GAN: variants seen among roughly 807,000 people sequenced by gnomAD.
The protein encoded by GAN is gigaxonin, also known as epididymis secretory sperm binding protein.
Under a neutral mutation model 71.3 loss-of-function variants are expected in GAN, and 48 were observed. The ratio of observed to expected loss-of-function variants is 0.67; its 90% CI spans 0.53 to 0.86. The LOEUF (loss-of-function observed/expected upper bound fraction) is 0.86, where lower values mean the gene tolerates loss of function less well. Ranked by LOEUF, GAN falls within the 40% of genes least tolerant of loss-of-function variation. The pLI, the probability that GAN is intolerant of heterozygous loss-of-function variation, is 0.00. For missense variants in GAN, 928 were observed against 770.1 expected (o/e 1.21, Z -2.43); for synonymous variants, 386 against 276.8 (o/e 1.39, Z -3.92).
intron 1 of GAN, among the ~76,000 whole-genome samples, chr16:81,331,877 G>A (rs980114449): frequency 2.6e-5 from 4 of 152,210 alleles, no homozygotes; most frequent in Admixed American, 2.0e-4. Context: ...GAAAGCTCTT[G>A]GAAGGCCGGG....
At chr16:81,331,835 G>C (rs1909588101) in intron 1 of GAN, among the ~76,000 whole-genome samples, 1 of 152,206 alleles carries the variant, frequency 6.6e-6, no homozygotes, top group Non-Finnish European at 1.5e-5. Flanking sequence ...TATGTCAGAA[G>C]AACAAAGAGA....
chr16:81,332,656 C>G (rs773555013), intron 1 of GAN, among the ~76,000 whole-genome samples: 47 of 152,240 alleles, frequency 3.1e-4, no homozygotes, highest in Non-Finnish European at 1.9e-4. Context: ...ACAGTGCTTG[C>G]AACTGCCATG....
intron 3 of GAN, among the ~76,000 whole-genome samples, chr16:81,355,637 A>G (rs1910461762): frequency 6.6e-6 from 1 of 152,218 alleles, no homozygotes; most frequent in Admixed American, 6.5e-5. Context: ...TGCTGGGATT[A>G]CAAGTGTGAA....
chr16:81,386,214 ATAATACT>A lies in GAN; in HGVS notation c.*8622_*8628del, dbSNP rs1169247070. On this transcript the variant is annotated 3_prime_UTR_variant, in exon 11 of 11. Coordinates refer to ENST00000648994, the MANE Select transcript of GAN (RefSeq NM_022041.4). ...AGAATTTGCCCAGTGAAATTCTCTA[ATAATACT>A]TAAAACTCTTTACTAAAGTTGAATT... The A allele has an allele frequency of 2.0e-5, 3 of 152,358 alleles. No homozygotes were observed. The highest frequency in any genetic ancestry group is 4.8e-5 in the African/African-American group (2 of 41,578). 9.4% of individuals were successfully genotyped at this position (152,358 alleles called of 1,614,324 possible).
intron 1 of GAN, among the ~76,000 whole-genome samples, chr16:81,318,618 A>G (rs1909123498): frequency 6.6e-6 from 1 of 152,226 alleles, no homozygotes; most frequent in Non-Finnish European, 1.5e-5. Context: ...TGTTTGGCAT[A>G]CTTTCTACTT....
At chr16:81,330,162 C>T (rs1909526197) in intron 1 of GAN, among the ~76,000 whole-genome samples, 1 of 152,256 alleles carries the variant, frequency 6.6e-6, no homozygotes, top group Non-Finnish European at 1.5e-5. Flanking sequence ...TGACTTGTGG[C>T]AGGACCTCTC....
intron 1 of GAN, among the ~76,000 whole-genome samples, chr16:81,342,685 AT>A (rs1345663380): frequency 6.6e-5 from 10 of 152,222 alleles, no homozygotes; most frequent in African/African-American, 2.4e-4. Flanking sequence ...AGCAGGACAG[AT>A]CTAAAATCCA....
intron 1 of GAN, among the ~76,000 whole-genome samples, chr16:81,328,172 C>T (rs1037861922): frequency 3.3e-5 from 5 of 152,182 alleles, no homozygotes; most frequent in African/African-American, 1.2e-4. Flanking sequence ...AAAATCTATA[C>T]ACACAAAAAA....
chr16:81,342,614 T>G (rs1237763365), intron 1 of GAN, among the ~76,000 whole-genome samples: 1 of 152,246 alleles, frequency 6.6e-6, no homozygotes, highest in Non-Finnish European at 1.5e-5. Context: ...CCAGAATCTT[T>G]GGGACACATT....
At position 81,364,972 on chromosome 16, in the gene GAN, A is replaced by C; in HGVS notation, c.1237-2A>C. On this transcript the variant is annotated splice_acceptor_variant, in intron 7 of 10. Coordinates refer to ENST00000648994, the MANE Select transcript of GAN (RefSeq NM_022041.4). LOFTEE classifies it high-confidence loss of function. ...TCCCCCACCATTGTTCTCTGCTTTC[A>C]GATCGGCTGCTATGCAGCTATGAAA... 6.2e-7 allele frequency: 1 copy of C among 1,613,978 alleles called. No individual in the cohort carries two copies. The highest frequency in any genetic ancestry group is 1.6e-4 in the Middle Eastern group (1 of 6,062).
At chr16:81,349,385 A>G (rs1597398955) in intron 1 of GAN, among the ~76,000 whole-genome samples, 1 of 152,164 alleles carries the variant, frequency 6.6e-6, no homozygotes, top group African/African-American at 2.4e-5. Flanking sequence ...GCGGTGGCTC[A>G]TGCCTATAAT....
chr16:81,353,700 C>G (rs1910383977), intron 2 of GAN, among the ~76,000 whole-genome samples: 1 of 151,992 alleles, frequency 6.6e-6, no homozygotes, highest in African/African-American at 2.4e-5. Context: ...TGTTTCTTTC[C>G]TGATGCTTTG....
chr16:81,347,040 G>C (rs756644420), intron 1 of GAN, among the ~76,000 whole-genome samples: 1 of 152,220 alleles, frequency 6.6e-6, no homozygotes, highest in African/African-American at 2.4e-5. Flanking sequence ...AAATAGTCAT[G>C]ACATCCTAAG....
At chr16:81,334,656 T>C (rs1909694586) in intron 1 of GAN, among the ~76,000 whole-genome samples, 1 of 152,126 alleles carries the variant, frequency 6.6e-6, no homozygotes, top group Admixed American at 6.6e-5. Flanking sequence ...AACTGCTGAG[T>C]GTCCAGCACA....
intron 9 of GAN, among the ~76,000 whole-genome samples, chr16:81,370,921 C>T (rs1282840666): frequency 1.3e-5 from 2 of 152,212 alleles, no homozygotes; most frequent in Non-Finnish European, 2.9e-5. Flanking sequence ...TTTTCTAAGG[C>T]ACACCATGAA....
rs370495519 is a variant in GAN, at chr16:81,375,317, CT to C, written c.1503-1888del. On this transcript the variant is annotated intron_variant, in intron 9 of 10. Coordinates refer to ENST00000648994, the MANE Select transcript of GAN (RefSeq NM_022041.4). Reference sequence around the variant, plus strand: ...AATTTAGAGACAGTCTTGCTACGTCCTTTTTTTTTTTTTTAATTTATCTTTT... The same window carrying C: ...AATTTAGAGACAGTCTTGCTACGTCCTTTTTTTTTTTTTAATTTATCTTTT... Among the ~76,000 whole-genome samples the C allele has an allele frequency of 5.0e-3, 626 of 125,172 alleles. 1 individual carries two copies. Among genetic ancestry groups the C allele is most frequent in the African/African-American group, 6.1e-3 (206 of 33,878 alleles). The allele number at this position is 125,172 out of a possible 152,430, so 82.1% of individuals were successfully genotyped here. A position where few individuals can be genotyped will look rare whatever the true frequency, so the allele number is the denominator to read the frequency against.
At chr16:81,361,663 A>T (rs147107436) in intron 5 of GAN, among the ~76,000 whole-genome samples, 1 of 152,110 alleles carries the variant, frequency 6.6e-6, no homozygotes, top group African/African-American at 2.4e-5. Context: ...TTGCCTTGTT[A>T]TCTTGTTGGC....
At chr16:81,362,912 C>T (rs1044290160) in intron 6 of GAN, among the ~76,000 whole-genome samples, 3 of 152,170 alleles carry the variant, frequency 2.0e-5, no homozygotes, top group African/African-American at 7.2e-5. Context: ...AGCGGGCCTC[C>T]CTCCTGCCTC....
intron 2 of GAN, 22 bp from the exon 3 acceptor site, chr16:81,354,378 TATAAG>T (rs1397210860): frequency 1.4e-6 from 2 of 1,429,442 alleles, no homozygotes; most frequent in Admixed American, 3.3e-5. Flanking sequence ...CACATTCAAA[TATAAG>T]ATAATTATGC....
Sources: gnomAD v4.1 joint callset for allele counts (sites outside exome capture counted in the v4.1 genomes callset) on GRCh38, gnomAD v4.1.1 for gene constraint, MANE v1.5 for transcripts, NCBI Gene and HGNC (gene_info 2026-07-23, HGNC 2026-07-21) for gene names.